Variants in DNAAF5 observed in about 807,000 individuals in gnomAD.
DNAAF5 encodes the protein dynein axonemal assembly factor 5.
Under a neutral mutation model 75.8 loss-of-function variants are expected in DNAAF5, and 64 were observed. The observed-to-expected ratio is 0.84, with a 90% CI of 0.69 to 1.04. The LOEUF is 1.04. DNAAF5 is among the 50% of genes least tolerant of loss of function. DNAAF5 has a pLI of 0.00. For missense variants in DNAAF5, 1,269 were observed against 1,178.5 expected, an observed-to-expected ratio of 1.08 and a Z score of -1.12; for synonymous variants, 657 against 557.2, an observed-to-expected ratio of 1.18 and a Z score of -2.52.
At position 763,836 on chromosome 7, in the gene DNAAF5, G is replaced by T. The variant is rs746007264; in HGVS notation, c.1645G>T (p.Val549Leu). Residue 549 changes from valine (V) to leucine (L), a missense_variant, in exon 8 of 13, where the codon GTG (valine) becomes TTG (leucine). Val to Leu is a conservative substitution (Grantham distance 32, BLOSUM62 1). Coordinates refer to ENST00000297440, the MANE Select transcript of DNAAF5 (RefSeq NM_017802.4). Reference protein sequence around the residue: ...AQETMDSLAMVEGVSSCQDLY... With the variant: ...AQETMDSLAMLEGVSSCQDLY... ...GGAGACGATGGACTCACTGGCCATG[G>T]TGGAGGGTGTCAGCAGCTGCCAGGA... 13 of 1,613,360 alleles carry T rather than the reference G, an allele frequency of 8.1e-6. No homozygotes were observed. The African/African-American group carries it at 1.6e-4, about 20-fold the overall frequency.
intron 11 of DNAAF5, among the ~76,000 whole-genome samples, chr7:775,597 C>T (rs989444469): frequency 3.9e-5 from 6 of 152,026 alleles, no homozygotes; most frequent in African/African-American, 9.7e-5. Flanking sequence ...TTTGTACTTA[C>T]ATTTGCATAT....
intron 4 of DNAAF5, among the ~76,000 whole-genome samples, chr7:744,352 G>C (rs1227874126): frequency 6.6e-6 from 1 of 152,050 alleles, no homozygotes; most frequent in Non-Finnish European, 1.5e-5. Flanking sequence ...TTGGACATTT[G>C]GGTTGGTTCC....
At chr7:748,363 C>G (rs1440149772) in intron 4 of DNAAF5, among the ~76,000 whole-genome samples, 2 of 152,232 alleles carry the variant, frequency 1.3e-5, no homozygotes, top group Non-Finnish European at 2.9e-5. Flanking sequence ...TTGCGATTCC[C>G]TAATGAGAGG....
chr7:739,608 T>A (rs1200639342), intron 2 of DNAAF5, among the ~76,000 whole-genome samples: 1 of 152,210 alleles, frequency 6.6e-6, no homozygotes, highest in Admixed American at 6.5e-5. Context: ...GAGAGTCGCC[T>A]GTGCGCACCG....
intron 4 of DNAAF5, among the ~76,000 whole-genome samples, chr7:752,025 G>A (rs1782313381): frequency 6.6e-6 from 1 of 152,228 alleles, no homozygotes; most frequent in Non-Finnish European, 1.5e-5. Flanking sequence ...AGCAGGTCCT[G>A]GGTGCAAGAC....
chr7:740,784 C>T (rs749793913), intron 2 of DNAAF5, 35 bp from the exon 3 acceptor site: 2 of 1,611,272 alleles, frequency 1.2e-6, no homozygotes, highest in East Asian at 4.5e-5. Flanking sequence ...TCCCCTTTGC[C>T]TACACGAATC....
chr7:775,270 C>T (rs894125186), intron 11 of DNAAF5, 108 bp downstream of exon 11: 33 of 1,024,892 alleles, frequency 3.2e-5, no homozygotes, highest in Middle Eastern at 2.2e-4. Flanking sequence ...AAAACTATCT[C>T]GGGCTGGGTG....
In DNAAF5 at chr7:785,679, C is replaced by A; in HGVS notation, c.*26C>A. On this transcript the variant is annotated 3_prime_UTR_variant, in exon 13 of 13. Coordinates refer to ENST00000297440, the MANE Select transcript of DNAAF5 (RefSeq NM_017802.4). ...CCACGCTGGTTTCAGCCACGGCACA[C>A]CCTTGTCCCCACCTGAGCCAGAGTT... is the stretch of plus-strand genomic sequence containing the variant. 5 of 1,606,910 alleles carry A rather than the reference C, an allele frequency of 3.1e-6. No homozygotes were observed. Among genetic ancestry groups the A allele is most frequent in the Non-Finnish European group, 4.3e-6 (5 of 1,176,408 alleles).
At position 741,888 on chromosome 7, in the gene DNAAF5, G is replaced by A. The variant is rs116497223; in HGVS notation, c.1024+423G>A. Among the ~76,000 whole-genome samples the A allele has an allele frequency of 1.7e-3, 258 of 152,308 alleles. 2 individuals carry two copies. The highest frequency in any genetic ancestry group is 5.5e-3 in the African/African-American group (229 of 41,566). ...GGGCTTATCATTTCACCAAGACAGA[G>A]CTCAGCACGAGGGCCACGGGTGAGG... is the stretch of plus-strand genomic sequence containing the variant. On this transcript the variant is annotated intron_variant, in intron 4 of 12. Transcript: ENST00000297440.
intron 4 of DNAAF5, among the ~76,000 whole-genome samples, chr7:752,870 A>G (rs1782352537): frequency 6.6e-6 from 1 of 152,258 alleles, no homozygotes; most frequent in Non-Finnish European, 1.5e-5. Context: ...CTCAGCAGGA[A>G]AACAATCCAT....
Position 770,511 on chromosome 7 carries a change from G to T in DNAAF5, c.1824G>T (p.Thr608=), listed in dbSNP as rs550907142. Residue 608 remains threonine (T), a synonymous_variant, in exon 9 of 13, where the codon ACG becomes ACT. Transcript: ENST00000297440. ...AAGCCCTGCCACACGTCGTGCCCAC[G>T]CTGAGGGCCTGTCTGCAGCCCTCCC... ...LGEALPHVVP[T]LRACLQPSQD... 6.2e-7 allele frequency: 1 copy of T among 1,613,800 alleles called. No individual in the cohort carries two copies. Among genetic ancestry groups the T allele is most frequent in the Non-Finnish European group, 8.5e-7 (1 of 1,179,978 alleles).
chr7:728,995 C>T (rs1416255280), intron 1 of DNAAF5, among the ~76,000 whole-genome samples: 2 of 125,604 alleles, frequency 1.6e-5, no homozygotes, highest in Non-Finnish European at 3.2e-5. Context: ...TTGGTTCTGA[C>T]TTTTTTTTTT....
At chr7:733,638 A>C (rs1165912809) in intron 2 of DNAAF5, among the ~76,000 whole-genome samples, 1 of 152,078 alleles carries the variant, frequency 6.6e-6, no homozygotes, top group African/African-American at 2.4e-5. Context: ...CTGGGACTAC[A>C]GGTGCCTGCC....
intron 2 of DNAAF5, among the ~76,000 whole-genome samples, chr7:730,935 C>A (rs1050797327): frequency 6.6e-6 from 1 of 152,230 alleles, no homozygotes; most frequent in Admixed American, 6.5e-5. Flanking sequence ...CAGGCTCTGC[C>A]CAGTGGGGAG....
chr7:763,507 G>A (rs1317434496), intron 7 of DNAAF5, among the ~76,000 whole-genome samples: 1 of 152,200 alleles, frequency 6.6e-6, no homozygotes, highest in Non-Finnish European at 1.5e-5. Flanking sequence ...CGGACACCAC[G>A]TCCGTGTAAG....
chr7:741,059 G>A, intron 3 of DNAAF5, 116 bp downstream of exon 3: 2 of 1,250,180 alleles, frequency 1.6e-6, no homozygotes, highest in Non-Finnish European at 2.2e-6. Context: ...TTGTCCCTGT[G>A]CTCCGAAGGG....
chr7:741,689 C>T (rs1458903658), intron 4 of DNAAF5, among the ~76,000 whole-genome samples: 3 of 152,200 alleles, frequency 2.0e-5, no homozygotes, highest in Non-Finnish European at 4.4e-5. Context: ...AGTGACCTCT[C>T]CCCTCCTCTG....
chr7:774,936 C>T (rs760876386), intron 10 of DNAAF5, 70 bp from the exon 11 acceptor site: 27 of 1,418,244 alleles, frequency 1.9e-5, no homozygotes, highest in East Asian at 4.6e-5. Context: ...CAGGAGTGCA[C>T]GGATGGTGAG....
chr7:756,178 T>G (rs1274712983), intron 5 of DNAAF5, among the ~76,000 whole-genome samples: 1 of 144,304 alleles, frequency 6.9e-6, no homozygotes, highest in African/African-American at 2.6e-5. Flanking sequence ...GCAGAGGGGC[T>G]GGTGTGTGTG....
Sources: gnomAD v4.1 joint callset for allele counts (sites outside exome capture counted in the v4.1 genomes callset) on GRCh38, gnomAD v4.1.1 for gene constraint, MANE v1.5 for transcripts, NCBI Gene and HGNC (gene_info 2026-07-23, HGNC 2026-07-21) for gene names.